SGCZ: variants seen among roughly 807,000 people sequenced by gnomAD.
The protein encoded by SGCZ is zeta-sarcoglycan.
Under a neutral mutation model 41.3 loss-of-function variants are expected in SGCZ, and 40 were observed. That is an observed-to-expected ratio of 0.97 (90% CI 0.75 to 1.26). The LOEUF is 1.26. Ranked by LOEUF, SGCZ falls within the 50% of genes most tolerant of loss-of-function variation. SGCZ has a pLI of 0.00. For synonymous variants in SGCZ, 206 were observed against 137.5 expected, an observed-to-expected ratio of 1.50 and a Z score of -3.49; for missense variants, 552 against 369.8, an observed-to-expected ratio of 1.49 and a Z score of -4.04.
intron 2 of SGCZ, among the ~76,000 whole-genome samples, chr8:14,407,232 C>A (rs141604983): frequency 0.019 from 2,856 of 151,998 alleles, 43 homozygotes; most frequent in Non-Finnish European, 0.03. Context: ...CCATGCCCAG[C>A]TAATTTTTAT....
chr8:14,810,172 T>TA (rs368018918), intron 1 of SGCZ, among the ~76,000 whole-genome samples: 2 of 151,964 alleles, frequency 1.3e-5, no homozygotes, highest in Non-Finnish European at 2.9e-5. Context: ...GCATGTTACA[T>TA]AAAAAAGAAA....
chr8:15,114,709 G>A (rs1285658986), intron 1 of SGCZ, among the ~76,000 whole-genome samples: 3 of 151,282 alleles, frequency 2.0e-5, no homozygotes, highest in African/African-American at 7.3e-5. Flanking sequence ...ACAGGGTAGC[G>A]CTCCTGACTC....
At chr8:14,711,550 C>A (rs1037106377) in intron 1 of SGCZ, among the ~76,000 whole-genome samples, 1 of 135,822 alleles carries the variant, frequency 7.4e-6, no homozygotes, top group Non-Finnish European at 1.5e-5. Flanking sequence ...TGTAGTGAGC[C>A]AAGATTGCTC....
chr8:14,134,638 C>T lies in SGCZ; in HGVS notation c.548-26403G>A, dbSNP rs142903122. Among the ~76,000 whole-genome samples, 912 of 152,224 alleles carry T rather than the reference C, an allele frequency of 6.0e-3. 5 individuals carry two copies. Among genetic ancestry groups the T allele is most frequent in the African/African-American group, 0.021 (855 of 41,542 alleles). On this transcript the variant is annotated intron_variant, in intron 5 of 7. Transcript: ENST00000382080. ...AGGGCTCTCAAATTTAAGCACTGTT[C>T]GCTTCTTGGTAAATCCTCTTTACCT...
chr8:14,207,214 T>C (rs1180690618), intron 4 of SGCZ, among the ~76,000 whole-genome samples: 3 of 63,294 alleles, frequency 4.7e-5, no homozygotes, highest in African/African-American at 2.6e-4. Flanking sequence ...AACAAGAAAT[T>C]AGCCAATTAA....
intron 5 of SGCZ, among the ~76,000 whole-genome samples, chr8:14,148,062 A>G (rs560114624): frequency 1.3e-5 from 2 of 152,266 alleles, no homozygotes; most frequent in Admixed American, 6.5e-5. Flanking sequence ...AATAGTACTC[A>G]GAGGGACCAT....
chr8:14,095,845 A>G (rs113867060), intron 7 of SGCZ, among the ~76,000 whole-genome samples: 2,760 of 151,968 alleles, frequency 0.018, 86 homozygotes, highest in African/African-American at 0.062. Context: ...ATTCCTACGT[A>G]TTTCATTCTC....
intron 1 of SGCZ, among the ~76,000 whole-genome samples, chr8:14,963,986 G>A (rs1485061467): frequency 6.6e-6 from 1 of 152,076 alleles, no homozygotes. Flanking sequence ...ATCCAATAAA[G>A]GTCACAAGCG....
chr8:14,171,624 A>G (rs532515848), intron 4 of SGCZ, among the ~76,000 whole-genome samples: 1 of 152,152 alleles, frequency 6.6e-6, no homozygotes, highest in Non-Finnish European at 1.5e-5. Flanking sequence ...TTTCTAACAT[A>G]AAAAATCGTA....
chr8:14,765,367 A>G (rs1374771045), intron 1 of SGCZ, among the ~76,000 whole-genome samples: 3 of 152,246 alleles, frequency 2.0e-5, no homozygotes, highest in Non-Finnish European at 2.9e-5. Context: ...AGCTTAAGTT[A>G]TATAAAGTAT....
intron 1 of SGCZ, among the ~76,000 whole-genome samples, chr8:15,064,791 C>T (rs1013483447): frequency 3.3e-5 from 5 of 152,106 alleles, no homozygotes; most frequent in African/African-American, 1.2e-4. Flanking sequence ...CCTGCAGGGC[C>T]CGATTAAATC....
At chr8:14,327,686 T>C (rs879432760) in intron 2 of SGCZ, among the ~76,000 whole-genome samples, 2 of 152,252 alleles carry the variant, frequency 1.3e-5, no homozygotes, top group Admixed American at 6.5e-5. Context: ...GTGTGTTTTC[T>C]TCTTATATTT....
intron 1 of SGCZ, among the ~76,000 whole-genome samples, chr8:14,860,607 A>G (rs1563321234): frequency 6.6e-6 from 1 of 151,694 alleles, no homozygotes; most frequent in Non-Finnish European, 1.5e-5. Context: ...GGAAAATGAA[A>G]AAGACAAGAC....
chr8:14,593,011 A>G (rs1246940983), intron 1 of SGCZ, among the ~76,000 whole-genome samples: 1 of 152,154 alleles, frequency 6.6e-6, no homozygotes, highest in Non-Finnish European at 1.5e-5. Flanking sequence ...GTGCCTTTAC[A>G]TTGGTACTGA....
intron 2 of SGCZ, among the ~76,000 whole-genome samples, chr8:14,380,273 TTTTCCTTTC>T (rs1804309345): frequency 6.6e-6 from 1 of 152,314 alleles, no homozygotes; most frequent in Admixed American, 6.5e-5. Flanking sequence ...TCCATTGATG[TTTTCCTTTC>T]TTTCATTTCT....
intron 1 of SGCZ, among the ~76,000 whole-genome samples, chr8:15,226,241 A>G (rs1255695326): frequency 1.3e-5 from 2 of 152,106 alleles, no homozygotes; most frequent in African/African-American, 4.8e-5. Context: ...TCTTTGGGCC[A>G]CCTCACAGGG....
At chr8:15,076,851 A>T (rs1026604471) in intron 1 of SGCZ, among the ~76,000 whole-genome samples, 1 of 150,272 alleles carries the variant, frequency 6.7e-6, no homozygotes. Flanking sequence ...AAAGAGAGGG[A>T]AAAAAAAGAG....
chr8:14,138,007 G>A (rs913676223), intron 5 of SGCZ, among the ~76,000 whole-genome samples: 3 of 152,234 alleles, frequency 2.0e-5, no homozygotes, highest in African/African-American at 7.2e-5. Flanking sequence ...CAAGCCAGAA[G>A]AGAGTGGGGG....
At chr8:15,137,761 G>A (rs906033233) in intron 1 of SGCZ, among the ~76,000 whole-genome samples, 2 of 152,218 alleles carry the variant, frequency 1.3e-5, no homozygotes, top group African/African-American at 2.4e-5. Flanking sequence ...ATGTATGAAT[G>A]TCCAGGCAGA....
Sources: gnomAD v4.1 joint callset for allele counts (sites outside exome capture counted in the v4.1 genomes callset) on GRCh38, gnomAD v4.1.1 for gene constraint, MANE v1.5 for transcripts, NCBI Gene and HGNC (gene_info 2026-07-23, HGNC 2026-07-21) for gene names.